Variants in SCUBE2 observed in about 807,000 individuals in gnomAD.
The protein encoded by SCUBE2 is signal peptide, CUB domain and EGF like domain containing 2, also known as signal peptide, CUB and EGF-like domain-containing protein 2.
A neutral mutation model predicts 125.9 loss-of-function variants in SCUBE2; 114 were observed. That is an observed-to-expected ratio of 0.91 (90% CI 0.78 to 1.06). SCUBE2 has a LOEUF of 1.06. Among genes scored for constraint, SCUBE2 ranks in the 50% least tolerant of loss-of-function variants. The pLI is 0.00. For missense variants in SCUBE2, 1,255 were observed against 1,301.8 expected, an observed-to-expected ratio of 0.96 and a Z score of 0.55; for synonymous variants, 459 against 492.9, an observed-to-expected ratio of 0.93 and a Z score of 0.91.
intron 2 of SCUBE2, among the ~76,000 whole-genome samples, chr11:9,083,969 G>A (rs545834091): frequency 2.6e-5 from 4 of 152,256 alleles, no homozygotes; most frequent in African/African-American, 7.2e-5. Flanking sequence ...ATGAGTATGC[G>A]TACATGTATT....
In SCUBE2 at chr11:9,020,433, G is replaced by A. The variant is rs185593477; in HGVS notation, c.*612C>T. 8,713 of 149,276 alleles carry A rather than the reference G, an allele frequency of 0.058. 732 individuals are homozygous for A. The highest frequency in any genetic ancestry group is 0.18 in the African/African-American group (7,540 of 40,968). The allele number at this position is 149,276 out of a possible 1,614,324, so 9.2% of individuals were successfully genotyped here. On this transcript the variant is annotated 3_prime_UTR_variant, in exon 23 of 23. Transcript: ENST00000649792. The stretch of plus-strand genomic sequence containing the variant: ...TTTTTATTTATTTCTAATTCTTTCT[G>A]CTTTTTTTTTTCACGAGCACTGCTT...
chr11:9,075,618 G>A (rs765663847), intron 3 of SCUBE2, among the ~76,000 whole-genome samples: 2 of 152,214 alleles, frequency 1.3e-5, no homozygotes, highest in Non-Finnish European at 2.9e-5. Flanking sequence ...GGAAGCAGCT[G>A]GGAACCACTA....
chr11:9,056,629 G>A (rs1859112876), intron 9 of SCUBE2, among the ~76,000 whole-genome samples: 1 of 152,192 alleles, frequency 6.6e-6, no homozygotes, highest in Non-Finnish European at 1.5e-5. Context: ...CTTGGCTGCA[G>A]CGGGGGTCAT....
intron 2 of SCUBE2, among the ~76,000 whole-genome samples, chr11:9,081,790 C>T (rs1485979628): frequency 6.6e-6 from 1 of 152,232 alleles, no homozygotes; most frequent in Non-Finnish European, 1.5e-5. Flanking sequence ...ATGCTACGAG[C>T]ATGGGCATAC....
intron 21 of SCUBE2, among the ~76,000 whole-genome samples, chr11:9,023,262 TTC>T (rs1358842126): frequency 6.6e-5 from 10 of 152,344 alleles, no homozygotes; most frequent in African/African-American, 2.4e-4. Flanking sequence ...CTTGAAAAGT[TTC>T]TCTCAGTTAA....
intron 16 of SCUBE2, among the ~76,000 whole-genome samples, chr11:9,045,587 C>T (rs1857619493): frequency 6.9e-6 from 1 of 143,892 alleles, no homozygotes; most frequent in Admixed American, 7.3e-5. Flanking sequence ...TCAAATAGAC[C>T]AGGACTAGAA....
At chr11:9,061,362 G>A (rs1218963640) in intron 7 of SCUBE2, among the ~76,000 whole-genome samples, 3 of 150,874 alleles carry the variant, frequency 2.0e-5, no homozygotes, top group East Asian at 3.9e-4. Context: ...TTCAAGACCA[G>A]CCTGGGCCAC....
intron 4 of SCUBE2, among the ~76,000 whole-genome samples, chr11:9,073,131 A>T (rs1860944508): frequency 6.6e-6 from 1 of 152,214 alleles, no homozygotes; most frequent in African/African-American, 2.4e-5. Context: ...TCAAAAGGAG[A>T]GATGCCCTGA....
intron 2 of SCUBE2, among the ~76,000 whole-genome samples, chr11:9,080,935 C>A (rs796608971): frequency 3.3e-5 from 5 of 152,046 alleles, no homozygotes; most frequent in African/African-American, 1.2e-4. Context: ...GCGAAATATT[C>A]GAATAGACAT....
Position 9,041,665 on chromosome 11 carries a change from T to G in SCUBE2, c.2002+5691A>C, listed in dbSNP as rs149247312. On this transcript the variant is annotated intron_variant, in intron 16 of 22. Coordinates refer to ENST00000649792, the MANE Select transcript of SCUBE2 (RefSeq NM_001367977.2). ...AATGTTTCTGTGGAGAGGTTAGGCA[T>G]GAAAATCAGACTGAAGAGAAATGGG... is the stretch of plus-strand genomic sequence containing the variant. 1.8e-4 allele frequency among the ~76,000 whole-genome samples: 27 copies of G among 152,092 alleles called. No individual in the cohort carries two copies. The East Asian group carries it at 5.0e-3, about 28-fold the overall frequency.
At chr11:9,086,710 G>A (rs1023407137) in intron 2 of SCUBE2, among the ~76,000 whole-genome samples, 39 of 152,146 alleles carry the variant, frequency 2.6e-4, no homozygotes, top group South Asian at 6.2e-4. Flanking sequence ...AAAATTAGCC[G>A]GGTGTGGTGG....
chr11:9,021,898 T>A lies in SCUBE2; in HGVS notation c.2912A>T (p.Glu971Val), dbSNP rs1277848137. 6.2e-7 allele frequency: 1 copy of A among 1,613,690 alleles called. No individual in the cohort carries two copies. Among genetic ancestry groups the A allele is most frequent in the Non-Finnish European group, 8.5e-7 (1 of 1,179,726 alleles). ...CACCTTAAGTATTTCCTGATGGTTC[T>A]CAGATGCATAGAGCCTGCCATCTCG... ...IVRDGRLYAS[E>V]NHQEILKDKK... Residue 971 changes from glutamate to valine, a missense_variant, in exon 22 of 23, where the codon GAG becomes GTG. By Grantham distance (121) the Glu-to-Val change is moderately radical. Around this residue, in one of 3 missense-constraint regions of SCUBE2, gnomAD observed 515 missense variants for 515.7 expected, o/e 1.00. Coordinates refer to ENST00000649792, the MANE Select transcript of SCUBE2 (RefSeq NM_001367977.2).
At chr11:9,079,129 A>G (rs1306582700) in intron 3 of SCUBE2, among the ~76,000 whole-genome samples, 1 of 152,246 alleles carries the variant, frequency 6.6e-6, no homozygotes, top group African/African-American at 2.4e-5. Context: ...AAAGGTGACA[A>G]GCCAATGCTA....
At chr11:9,034,736 T>C (rs1856610565) in intron 16 of SCUBE2, among the ~76,000 whole-genome samples, 1 of 152,102 alleles carries the variant, frequency 6.6e-6, no homozygotes, top group African/African-American at 2.4e-5. Context: ...ATCCCAGCAC[T>C]TTAGAAGGCC....
At chr11:9,025,422 G>T in intron 21 of SCUBE2, 3 of 314,670 alleles carry the variant, frequency 9.5e-6, no homozygotes, top group Middle Eastern at 1.9e-3. Flanking sequence ...CAGTCACAGA[G>T]AAATCATAGC....
chr11:9,047,008 T>C (rs1030631026), intron 16 of SCUBE2, among the ~76,000 whole-genome samples: 1 of 115,656 alleles, frequency 8.6e-6, no homozygotes, highest in Admixed American at 8.0e-5. Context: ...ATCTAATTAC[T>C]GAAATTCACC....
intron 2 of SCUBE2, among the ~76,000 whole-genome samples, chr11:9,085,332 G>C (rs1861961595): frequency 6.6e-6 from 1 of 152,162 alleles, no homozygotes; most frequent in Non-Finnish European, 1.5e-5. Context: ...TAACATTAGG[G>C]TAAAATGAAT....
At chr11:9,054,725 A>ATATATATATATATTTTTT (rs1368153935) in intron 10 of SCUBE2, among the ~76,000 whole-genome samples, 3 of 22,344 alleles carry the variant, frequency 1.3e-4, no homozygotes, top group Admixed American at 7.5e-4. Context: ...ATATATATAT[A>ATATATATATATATTTTTT]TTTTTTTTTT....
In SCUBE2 at chr11:9,066,830, T is replaced by C. The variant is rs1052395818; in HGVS notation, c.644-17A>G. The C allele has an allele frequency of 5.1e-6, 8 of 1,584,000 alleles. No individual in the cohort carries two copies. The highest frequency in any genetic ancestry group is 6.9e-6 in the Non-Finnish European group (8 of 1,152,586). ...TACAGGTCACTGACAGCAAAATGAA[T>C]CAATACATAAAGCACTGAGATTTCC... On this transcript the variant is annotated splice_polypyrimidine_tract_variant and intron_variant, in intron 5 of 22. Transcript: ENST00000649792.
Sources: gnomAD v4.1 joint callset for allele counts (sites outside exome capture counted in the v4.1 genomes callset) on GRCh38, gnomAD v4.1.1 for gene constraint, gnomAD v4.1.1 regional missense constraint, MANE v1.5 for transcripts, NCBI Gene and HGNC (gene_info 2026-07-23, HGNC 2026-07-21) for gene names.